IMPG1: variants seen among roughly 807,000 people sequenced by gnomAD.
IMPG1 encodes the protein interphotoreceptor matrix proteoglycan of 150 kDa.
IMPG1 carries 85 observed loss-of-function variants against 92.0 expected under a neutral mutation model. The observed-to-expected ratio is 0.92, with a 90% CI of 0.78 to 1.11. The LOEUF (loss-of-function observed/expected upper bound fraction) is 1.11. IMPG1 is among the 50% of genes least tolerant of loss of function. The pLI is 0.00. For missense variants in IMPG1, 1,022 were observed against 956.0 expected, an observed-to-expected ratio of 1.07 and a Z score of -0.91; for synonymous variants, 367 against 334.1, an observed-to-expected ratio of 1.10 and a Z score of -1.08.
Position 75,930,996 on chromosome 6 carries a change from T to C in IMPG1, c.2200A>G (p.Thr734Ala). The C allele has an allele frequency of 6.2e-7, 1 of 1,614,256 alleles. No individual in the cohort carries two copies. The highest frequency in any genetic ancestry group is 8.5e-7 in the Non-Finnish European group (1 of 1,180,048). ...CCCTGGAGGACCTCGCATTCCTTTGTGCCAGGGCCACAGAGGCCTGGTTCC... is the reference window on the plus strand; with the variant it reads ...CCCTGGAGGACCTCGCATTCCTTTGCGCCAGGGCCACAGAGGCCTGGTTCC... ...GLEPGLCGPG[T>A]KECEVLQGKG... The change falls in exon 15 of 17, where the codon ACA (threonine) becomes GCA (alanine). Residue 734 changes from threonine to alanine, a missense_variant. By Grantham distance (58) the Thr-to-Ala change is moderately conservative. Coordinates refer to ENST00000369950, the MANE Select transcript of IMPG1 (RefSeq NM_001563.4).
At chr6:76,062,767 T>G (rs1784227626) in intron 1 of IMPG1, among the ~76,000 whole-genome samples, 1 of 151,744 alleles carries the variant, frequency 6.6e-6, no homozygotes, top group South Asian at 2.1e-4. Context: ...AATATAGACC[T>G]CAATAATTGA....
At chr6:75,993,484 G>T (rs138001493) in intron 12 of IMPG1, among the ~76,000 whole-genome samples, 155 of 149,090 alleles carry the variant, frequency 1.0e-3, no homozygotes, top group Non-Finnish European at 1.9e-3. Flanking sequence ...AAGAGAGAGA[G>T]AAAGGGAGAG....
chr6:75,957,284 T>C (rs548217837), intron 12 of IMPG1, among the ~76,000 whole-genome samples: 1 of 152,354 alleles, frequency 6.6e-6, no homozygotes, highest in South Asian at 2.1e-4. Context: ...CTGTTTGTTA[T>C]GATTTCTGTT....
At chr6:76,030,539 C>T (rs1012257011) in intron 4 of IMPG1, among the ~76,000 whole-genome samples, 3 of 152,134 alleles carry the variant, frequency 2.0e-5, no homozygotes, top group Non-Finnish European at 4.4e-5. Context: ...GAGATGCATC[C>T]TCCAAACTGG....
intron 2 of IMPG1, among the ~76,000 whole-genome samples, chr6:76,040,420 C>G (rs1783815437): frequency 6.6e-6 from 1 of 152,190 alleles, no homozygotes; most frequent in Non-Finnish European, 1.5e-5. Flanking sequence ...CATCCCTGAG[C>G]AAACGATATG....
chr6:76,021,158 C>A (rs1783416702), intron 6 of IMPG1, among the ~76,000 whole-genome samples: 1 of 152,160 alleles, frequency 6.6e-6, no homozygotes, highest in Non-Finnish European at 1.5e-5. Context: ...TTTATCTTAA[C>A]CGGAACATTT....
chr6:75,930,250 T>C (rs953613564), intron 15 of IMPG1, among the ~76,000 whole-genome samples: 1 of 152,222 alleles, frequency 6.6e-6, no homozygotes, highest in South Asian at 2.1e-4. Context: ...TGGACTGTTA[T>C]GTAATCACTA....
chr6:75,953,863 T>C (rs1377448160), intron 12 of IMPG1, among the ~76,000 whole-genome samples: 3 of 152,094 alleles, frequency 2.0e-5, no homozygotes. Flanking sequence ...ACATGCGGTG[T>C]TTGGTTTTCT....
chr6:76,044,616 G>T (rs1413264808), intron 1 of IMPG1, among the ~76,000 whole-genome samples: 1 of 152,146 alleles, frequency 6.6e-6, no homozygotes, highest in East Asian at 1.9e-4. Context: ...CTGGCTCTGG[G>T]AACAATGTTG....
chr6:75,922,290 A>G lies in IMPG1; in HGVS notation c.2317-124T>C, dbSNP rs1394378244. 6 of 577,042 alleles carry G rather than the reference A, an allele frequency of 1.0e-5. No individual in the cohort carries two copies. In the Admixed American group the frequency reaches 1.9e-4, roughly 18 times the overall value. 35.7% of individuals were successfully genotyped at this position (577,042 alleles called of 1,614,324 possible). ...CTTGCCATTTATGACATCTTCTTTG[A>G]AATGTTGAAGATGGCCTCAAAATAT... On this transcript the variant is annotated intron_variant, in intron 16 of 16. Transcript: ENST00000369950.
chr6:76,013,490 T>C (rs1255427997), intron 7 of IMPG1, among the ~76,000 whole-genome samples: 1 of 152,154 alleles, frequency 6.6e-6, no homozygotes, highest in Non-Finnish European at 1.5e-5. Flanking sequence ...AGCTCAGACA[T>C]CTTCTGTACT....
intron 15 of IMPG1, among the ~76,000 whole-genome samples, chr6:75,927,964 G>A (rs969115575): frequency 6.6e-6 from 1 of 152,034 alleles, no homozygotes; most frequent in African/African-American, 2.4e-5. Flanking sequence ...ATCACCTTAT[G>A]CCTTGCTTTA....
At chr6:76,050,929 A>G (rs1334476157) in intron 1 of IMPG1, among the ~76,000 whole-genome samples, 1 of 152,200 alleles carries the variant, frequency 6.6e-6, no homozygotes, top group Non-Finnish European at 1.5e-5. Flanking sequence ...TGGTATAAGC[A>G]CTTAGCAAAC....
intron 9 of IMPG1, 40 bp downstream of exon 9, chr6:76,007,440 C>G (rs3736925): frequency 6.8e-7 from 1 of 1,478,776 alleles, no homozygotes; most frequent in Non-Finnish European, 9.3e-7. Context: ...TTGGGGGAGA[C>G]GGGAATGTAC....
chr6:76,044,095 G>A lies in IMPG1; in HGVS notation c.68-1969C>T, dbSNP rs369234293. Among the ~76,000 whole-genome samples, 20 of 152,140 alleles carry A rather than the reference G, an allele frequency of 1.3e-4. No homozygotes were observed. In the East Asian group the frequency reaches 1.5e-3, roughly 12 times the overall value. On this transcript the variant is annotated intron_variant, in intron 1 of 16. Transcript: ENST00000369950. ...ACCATGGAGTTGGAACCAGTTTTTC[G>A]TGAGTCAAAATGGCTGCATGGCAAA...
intron 2 of IMPG1, among the ~76,000 whole-genome samples, chr6:76,040,064 GTTTC>G (rs1411064596): frequency 6.6e-6 from 1 of 152,118 alleles, no homozygotes; most frequent in Admixed American, 6.5e-5. Flanking sequence ...CTTATTTCTT[GTTTC>G]TTTGTGAACC....
chr6:75,974,367 C>CTT (rs1367158053), intron 12 of IMPG1, among the ~76,000 whole-genome samples: 3 of 92,278 alleles, frequency 3.3e-5, no homozygotes, highest in East Asian at 6.7e-4. Context: ...TTCTTTCTTT[C>CTT]TTTCTTTCTT....
chr6:76,071,432 A>G (rs1784402256), intron 1 of IMPG1, among the ~76,000 whole-genome samples: 1 of 151,296 alleles, frequency 6.6e-6, no homozygotes, highest in South Asian at 2.1e-4. Flanking sequence ...TGATAATTTA[A>G]TGAAAAAGTA....
Position 76,018,712 on chromosome 6 carries a change from A to G in IMPG1, c.807+6T>C. 1.2e-6 allele frequency: 2 copies of G among 1,612,498 alleles called. No individual in the cohort carries two copies. The highest frequency in any genetic ancestry group is 1.7e-6 in the Non-Finnish European group (2 of 1,179,228). ...AGGTGTGGTTGTATGGGCCGGGTCT[A>G]CTCACCTGAAGTTGGGACTTTCCTG... On this transcript the variant is annotated splice_donor_region_variant and intron_variant, in intron 7 of 16. Transcript: ENST00000369950.
Sources: allele counts gnomAD v4.1 joint callset (sites outside exome capture counted in the v4.1 genomes callset), GRCh38; gene constraint gnomAD v4.1.1; transcripts MANE v1.5; gene names NCBI Gene and HGNC (gene_info 2026-07-23, HGNC 2026-07-21).